The following TBC1D13 variants were observed in gnomAD, a reference collection of about 807,000 sequenced individuals.
TBC1D13 encodes the protein epididymis secretory sperm binding protein.
TBC1D13 carries 40 observed loss-of-function variants against 53.6 expected under a neutral mutation model. The observed-to-expected ratio is 0.75, with a 90% CI of 0.58 to 0.97. TBC1D13 has a LOEUF of 0.97. Among genes scored for constraint, TBC1D13 ranks in the 50% least tolerant of loss-of-function variants. The pLI is 0.00. For synonymous variants in TBC1D13, 182 were observed against 197.7 expected, an observed-to-expected ratio of 0.92 and a Z score of 0.67; for missense variants, 377 against 499.4, an observed-to-expected ratio of 0.75 and a Z score of 2.34.
Position 128,807,832 on chromosome 9 carries a change from G to A in TBC1D13, c.1156G>A (p.Val386Ile), listed in dbSNP as rs764105288. The change falls in exon 12 of 12, where the codon GTC becomes ATC. Residue 386 changes from valine to isoleucine, a missense_variant. Physicochemically the swap from Val to Ile is conservative, Grantham distance 29. Coordinates refer to ENST00000372648, the MANE Select transcript of TBC1D13 (RefSeq NM_018201.5). ...TGCCCAGGACTACCCCATCACAGAT[G>A]TCTGCCAGATCCTGCAGAAAGCCAA... The part of the protein sequence containing the change: ...RLLQDYPITD[V>I]CQILQKAKEL... The A allele has an allele frequency of 1.9e-6, 3 of 1,614,216 alleles. No homozygotes were observed. The highest frequency in any genetic ancestry group is 2.2e-5 in the South Asian group (2 of 91,088).
At chr9:128,789,446 C>T (rs1354547992) in intron 2 of TBC1D13, among the ~76,000 whole-genome samples, 1 of 151,854 alleles carries the variant, frequency 6.6e-6, no homozygotes, top group Non-Finnish European at 1.5e-5. Context: ...AGTGAGCTTC[C>T]TGATCTTATT....
At chr9:128,799,339 T>C (rs1829692511) in intron 7 of TBC1D13, among the ~76,000 whole-genome samples, 1 of 152,140 alleles carries the variant, frequency 6.6e-6, no homozygotes, top group Admixed American at 6.5e-5. Context: ...GATTGGGCAG[T>C]TTGAGTTAAA....
At chr9:128,801,263 G>A (rs890709167) in intron 7 of TBC1D13, among the ~76,000 whole-genome samples, 2 of 152,130 alleles carry the variant, frequency 1.3e-5, no homozygotes, top group African/African-American at 4.8e-5. Context: ...CCCAACCCAT[G>A]AACAATTGAG....
chr9:128,799,817 C>T (rs1829699714), intron 7 of TBC1D13, among the ~76,000 whole-genome samples: 1 of 152,196 alleles, frequency 6.6e-6, no homozygotes, highest in South Asian at 2.1e-4. Flanking sequence ...GTCAGGAGAT[C>T]GAGACCATCC....
rs998974327 is a variant in TBC1D13 at position 128,807,702 on chromosome 9, C to G, written c.1138-112C>G. The G allele has an allele frequency of 3.6e-6, 4 of 1,115,096 alleles. No individual in the cohort carries two copies. In the African/African-American group the frequency reaches 6.1e-5, roughly 17 times the overall value. The allele number at this position is 1,115,096 out of a possible 1,614,324, so 69.1% of individuals were successfully genotyped here. On this transcript the variant is annotated intron_variant, in intron 11 of 11. Coordinates refer to ENST00000372648, the MANE Select transcript of TBC1D13 (RefSeq NM_018201.5). ...GTGGGATGCCTGGTGTTCTGTGCTC[C>G]TGCCCCTGAGGCCCAGGATCCAGCA...
chr9:128,790,667 C>T (rs540182147), intron 2 of TBC1D13, 68 bp from the exon 3 acceptor site: 3 of 1,463,942 alleles, frequency 2.0e-6, no homozygotes, highest in African/African-American at 3.0e-5. Flanking sequence ...CCAGTTGGCT[C>T]CACGGTGAAG....
In TBC1D13 at chr9:128,808,314, C is replaced by A. The variant is rs12235388; in HGVS notation, c.*435C>A. 6 of 222,116 alleles carry A rather than the reference C, an allele frequency of 2.7e-5. No homozygotes were observed. The highest frequency in any genetic ancestry group is 1.3e-4 in the African/African-American group (6 of 45,074). The allele number at this position is 222,116 out of a possible 1,614,324, so 13.8% of individuals were successfully genotyped here. A position where few individuals can be genotyped will look rare whatever the true frequency, so the allele number is the denominator to read the frequency against. On this transcript the variant is annotated 3_prime_UTR_variant, in exon 12 of 12. Coordinates refer to ENST00000372648, the MANE Select transcript of TBC1D13 (RefSeq NM_018201.5). Reference sequence around the variant, plus strand: ...CACTTCGGCTGCTCCACAGGGAAGGCGACACTGAAAGCTGAGTCCTGCCGT... The same window carrying A: ...CACTTCGGCTGCTCCACAGGGAAGGAGACACTGAAAGCTGAGTCCTGCCGT...
chr9:128,791,331 C>A (rs375929835), intron 3 of TBC1D13, 49 bp from the exon 4 acceptor site: 55 of 1,554,180 alleles, frequency 3.5e-5, no homozygotes, highest in Admixed American at 6.7e-5. Flanking sequence ...TAAAGACTGA[C>A]GTTGGTGCAG....
At chr9:128,792,652 A>G in intron 6 of TBC1D13, 78 bp downstream of exon 6, 1 of 1,364,736 alleles carries the variant, frequency 7.3e-7, no homozygotes, top group South Asian at 1.2e-5. Flanking sequence ...TTCCATTTGC[A>G]GGCCGGGCCT....
chr9:128,806,190 G>A, intron 10 of TBC1D13, 64 bp from the exon 11 acceptor site: 2 of 1,611,050 alleles, frequency 1.2e-6, no homozygotes, highest in Admixed American at 1.7e-5. Context: ...AGGGAGGGAG[G>A]AGTGGGCAGG....
Position 128,797,260 on chromosome 9 carries a change from T to G in TBC1D13, c.543+46T>G, listed in dbSNP as rs377484445. 4 of 1,599,444 alleles carry G rather than the reference T, an allele frequency of 2.5e-6. No homozygotes were observed. The African/African-American group carries it at 4.0e-5, about 16-fold the overall frequency. Reference sequence around the variant, plus strand: ...CCCAGGGACTCCCCCAACAGTATTTTCTTTCCTTTTTCTCTTAAACTCCTG... The same window carrying G: ...CCCAGGGACTCCCCCAACAGTATTTGCTTTCCTTTTTCTCTTAAACTCCTG... On this transcript the variant is annotated intron_variant, in intron 7 of 11. Transcript: ENST00000372648.
At chr9:128,807,764 C>T (rs376533858) in intron 11 of TBC1D13, 50 bp from the exon 12 acceptor site, 17 of 1,589,420 alleles carry the variant, frequency 1.1e-5, no homozygotes, top group Admixed American at 1.7e-5. Context: ...GTGGGTGTGG[C>T]AGGGGTGAAG....
At position 128,803,415 on chromosome 9, in the gene TBC1D13, C is replaced by T; in HGVS notation, c.709C>T (p.Pro237Ser). 1 of 1,614,188 alleles carries T rather than the reference C, an allele frequency of 6.2e-7. No individual in the cohort carries two copies. Among genetic ancestry groups the T allele is most frequent in the Non-Finnish European group, 8.5e-7 (1 of 1,180,050 alleles). ...YVQGMNEIVG[P>S]LYYTFATDPN... ...GCAAGGCATGAATGAAATCGTGGGG[C>T]CCCTCTACTACACCTTTGCCACCGA... is the stretch of plus-strand genomic sequence containing the variant. The change falls in exon 8 of 12, where the codon CCC (proline) becomes TCC (serine). Residue 237 changes from proline to serine, a missense_variant. Pro to Ser is a moderately conservative substitution (Grantham distance 74). Coordinates refer to ENST00000372648, the MANE Select transcript of TBC1D13 (RefSeq NM_018201.5).
intron 2 of TBC1D13, chr9:128,789,842 AATAGTCACAGAGCC>A (rs1829498957): frequency 8.4e-6 from 1 of 118,986 alleles, no homozygotes; most frequent in Admixed American, 9.3e-5. Context: ...GATGCTATGA[AATAGTCACAGAGCC>A]ATTATTGCTT....
Position 128,808,218 on chromosome 9 carries a change from T to A in TBC1D13, c.*339T>A. 1 of 340,724 alleles carries A rather than the reference T, an allele frequency of 2.9e-6. No homozygotes were observed. Among genetic ancestry groups the A allele is most frequent in the Non-Finnish European group, 5.7e-6 (1 of 175,604 alleles). The allele number at this position is 340,724 out of a possible 1,614,324, so 21.1% of individuals were successfully genotyped here. On this transcript the variant is annotated 3_prime_UTR_variant, in exon 12 of 12. Coordinates refer to ENST00000372648, the MANE Select transcript of TBC1D13 (RefSeq NM_018201.5). ...TGCCGCCCCAGCCTCAGTTCCTGCT[T>A]CTGGTCTTCTCCTGGGCTCCACTCA...
At chr9:128,792,656 C>T (rs982640335) in intron 6 of TBC1D13, 82 bp downstream of exon 6, 66 of 1,314,884 alleles carry the variant, frequency 5.0e-5, no homozygotes, top group Middle Eastern at 1.8e-4. Flanking sequence ...ATTTGCAGGC[C>T]GGGCCTATGG....
intron 6 of TBC1D13, among the ~76,000 whole-genome samples, chr9:128,795,549 C>T (rs563461081): frequency 6.7e-6 from 1 of 149,278 alleles, no homozygotes; most frequent in South Asian, 2.1e-4. Context: ...CAAGCTCCGC[C>T]TCCCGGGTTC....
At chr9:128,797,280 C>A in intron 7 of TBC1D13, 66 bp downstream of exon 7, 1 of 1,543,366 alleles carries the variant, frequency 6.5e-7, no homozygotes, top group Non-Finnish European at 8.9e-7. Flanking sequence ...TTCTCTTAAA[C>A]TCCTGGCCAC....
At chr9:128,805,519 A>C (rs1004886444) in intron 9 of TBC1D13, among the ~76,000 whole-genome samples, 1 of 152,250 alleles carries the variant, frequency 6.6e-6, no homozygotes, top group Admixed American at 6.5e-5. Flanking sequence ...GTGCCCTGTG[A>C]TGGTCACTCA....
Sources: allele counts gnomAD v4.1 joint callset (sites outside exome capture counted in the v4.1 genomes callset), GRCh38; gene constraint gnomAD v4.1.1; transcripts MANE v1.5; gene names NCBI Gene and HGNC (gene_info 2026-07-23, HGNC 2026-07-21).